Variants in IGSF21 observed in about 807,000 individuals in gnomAD.
IGSF21 encodes the protein immunoglobin superfamily member 21.
Under a neutral mutation model 46.8 loss-of-function variants are expected in IGSF21, and 28 were observed. That is an observed-to-expected ratio of 0.60 (90% confidence interval 0.44 to 0.82). The LOEUF is 0.82. IGSF21 is among the 40% of genes least tolerant of loss of function. The pLI is 0.00. For synonymous variants in IGSF21, 284 were observed against 273.6 expected (o/e 1.04, Z -0.38); for missense variants, 624 against 665.5 (o/e 0.94, Z 0.69).
Position 18,322,486 on chromosome 1 carries a change from C to T in IGSF21, c.306-12406C>T, listed in dbSNP as rs916280674. ...TCCTGTTAAATAAAGCAATCACGAACGATAGGAAGGAGGCGGCGAGCTCAG... is the reference window on the plus strand; with the variant it reads ...TCCTGTTAAATAAAGCAATCACGAATGATAGGAAGGAGGCGGCGAGCTCAG... On this transcript the variant is annotated intron_variant, in intron 3 of 9. Coordinates refer to ENST00000251296, the MANE Select transcript of IGSF21 (RefSeq NM_032880.5). This position sits in a 1 kb window ranked among gnomAD's most constrained non-coding sequence, Gnocchi z 4.3. Among the ~76,000 whole-genome samples, 8 of 152,216 alleles carry T rather than the reference C, an allele frequency of 5.3e-5. No homozygotes were observed. The highest frequency in any genetic ancestry group is 7.4e-5 in the Non-Finnish European group (5 of 68,004).
chr1:18,239,848 T>G (rs1337377778), intron 2 of IGSF21, among the ~76,000 whole-genome samples: 1 of 152,126 alleles, frequency 6.6e-6, no homozygotes, highest in Non-Finnish European at 1.5e-5. Flanking sequence ...TGAGTTAGCT[T>G]CTCATAACAC....
At chr1:18,338,949 G>A (rs1026185821) in intron 4 of IGSF21, among the ~76,000 whole-genome samples, 2 of 152,096 alleles carry the variant, frequency 1.3e-5, no homozygotes, top group Non-Finnish European at 1.5e-5. Flanking sequence ...TAGATGTTGT[G>A]AGAGCCAGGC....
rs971801837 is a variant in IGSF21 at position 18,334,007 on chromosome 1, A to G, written c.306-885A>G. On this transcript the variant is annotated intron_variant, in intron 3 of 9. Transcript: ENST00000251296. The surrounding 1 kb of genome is among the most constrained non-coding windows in gnomAD (Gnocchi z 4.3). The stretch of plus-strand genomic sequence containing the variant: ...CACAGTTGCACCAATTTGTTTACAC[A>G]CCGATTGTAGCTGCTTTTGTGCTGC... Among the ~76,000 whole-genome samples, 1 of 152,256 alleles carries G rather than the reference A, an allele frequency of 6.6e-6. No homozygotes were observed. The highest frequency in any genetic ancestry group is 1.5e-5 in the Non-Finnish European group (1 of 68,050).
At chr1:18,252,568 C>T (rs138342255) in intron 2 of IGSF21, among the ~76,000 whole-genome samples, 52 of 152,272 alleles carry the variant, frequency 3.4e-4, no homozygotes, top group East Asian at 1.2e-3. Context: ...AAGTGATTTC[C>T]GGATTTCTTC....
chr1:18,359,219 T>TGGGGGGGGGGGGGGGGGGGGGGGGG (rs2086056801), intron 4 of IGSF21, among the ~76,000 whole-genome samples: 1 of 142,266 alleles, frequency 7.0e-6, no homozygotes, highest in Non-Finnish European at 1.6e-5. Flanking sequence ...TCAAGGCTGC[T>TGGGGGGGGGGGGGGGGGGGGGGGGG]GTGAGCCATG....
chr1:18,131,098 C>T (rs895158928), intron 1 of IGSF21, among the ~76,000 whole-genome samples: 2 of 152,154 alleles, frequency 1.3e-5, no homozygotes, highest in South Asian at 2.1e-4. Context: ...TGGAGCTCCC[C>T]GTGGATTGAG....
chr1:18,276,586 G>A (rs1343990166), intron 2 of IGSF21, among the ~76,000 whole-genome samples: 1 of 152,126 alleles, frequency 6.6e-6, no homozygotes, highest in African/African-American at 2.4e-5. Flanking sequence ...TCTAATGCAG[G>A]AATCTCAAAG....
At chr1:18,219,793 G>T (rs1221501169) in intron 1 of IGSF21, among the ~76,000 whole-genome samples, 1 of 152,162 alleles carries the variant, frequency 6.6e-6, no homozygotes, top group Non-Finnish European at 1.5e-5. Context: ...CCCTACCCAG[G>T]ACTTAGGCAC....
chr1:18,355,840 T>A (rs1468178871), intron 4 of IGSF21, among the ~76,000 whole-genome samples: 1 of 148,182 alleles, frequency 6.7e-6, no homozygotes, highest in Non-Finnish European at 1.5e-5. Context: ...TTTTTTTTTT[T>A]TTTTTTTTTT....
intron 6 of IGSF21, among the ~76,000 whole-genome samples, chr1:18,366,643 A>T (rs543196575): frequency 6.6e-6 from 1 of 152,190 alleles, no homozygotes; most frequent in African/African-American, 2.4e-5. Flanking sequence ...TCAGGAACAC[A>T]TAGGACATGG....
At chr1:18,256,108 T>C (rs1375259260) in intron 2 of IGSF21, among the ~76,000 whole-genome samples, 1 of 152,168 alleles carries the variant, frequency 6.6e-6, no homozygotes, top group African/African-American at 2.4e-5. Flanking sequence ...CCTGATGGGC[T>C]AGCCATGCAA....
At chr1:18,358,044 A>AGT (rs746741553) in intron 4 of IGSF21, among the ~76,000 whole-genome samples, 141 of 151,122 alleles carry the variant, frequency 9.3e-4, no homozygotes, top group East Asian at 3.5e-3. Context: ...AGAGAGAGAG[A>AGT]GAGTGTGTGT....
chr1:18,256,861 G>T (rs2084897365), intron 2 of IGSF21, among the ~76,000 whole-genome samples: 1 of 152,158 alleles, frequency 6.6e-6, no homozygotes, highest in Non-Finnish European at 1.5e-5. Flanking sequence ...GGGACATGGA[G>T]ACCAGGTCCC....
intron 2 of IGSF21, among the ~76,000 whole-genome samples, chr1:18,271,342 A>G (rs2085040875): frequency 6.6e-6 from 1 of 152,200 alleles, no homozygotes; most frequent in Non-Finnish European, 1.5e-5. Context: ...TGATCAGCTC[A>G]TTTTGACTTG....
Position 18,342,148 on chromosome 1 carries a change from C to A in IGSF21, c.424+7138C>A, listed in dbSNP as rs188557171. Reference sequence around the variant, plus strand: ...TTGCTCTGTCCCCCAGGCTGGAGTGCAGTGGCATGATCTCAACTCACTGCA... The same window carrying A: ...TTGCTCTGTCCCCCAGGCTGGAGTGAAGTGGCATGATCTCAACTCACTGCA... On this transcript the variant is annotated intron_variant, in intron 4 of 9. Coordinates refer to ENST00000251296, the MANE Select transcript of IGSF21 (RefSeq NM_032880.5). Among the ~76,000 whole-genome samples, 5 of 151,708 alleles carry A rather than the reference C, an allele frequency of 3.3e-5. No homozygotes were observed. The East Asian group carries it at 5.8e-4, about 18-fold the overall frequency.
intron 2 of IGSF21, among the ~76,000 whole-genome samples, chr1:18,235,759 A>T (rs201824129): frequency 1.3e-5 from 2 of 152,196 alleles, no homozygotes; most frequent in East Asian, 3.9e-4. Context: ...CAGAGAAGTA[A>T]CAGGGTCTGG....
chr1:18,178,782 C>A (rs2086829039), intron 1 of IGSF21, among the ~76,000 whole-genome samples: 1 of 151,854 alleles, frequency 6.6e-6, no homozygotes, highest in South Asian at 2.1e-4. Flanking sequence ...CAGGGTCTGG[C>A]CTCCCAGAGG....
intron 1 of IGSF21, among the ~76,000 whole-genome samples, chr1:18,120,782 G>A (rs956867802): frequency 2.0e-5 from 3 of 152,126 alleles, no homozygotes; most frequent in Admixed American, 6.5e-5. Flanking sequence ...ATTTGAAGGG[G>A]CAGACAACAT....
intron 1 of IGSF21, among the ~76,000 whole-genome samples, chr1:18,183,821 T>G (rs1378738581): frequency 6.6e-6 from 1 of 151,992 alleles, no homozygotes; most frequent in Non-Finnish European, 1.5e-5. Flanking sequence ...GGGAAGCTCT[T>G]CTTGTGAAGG....
Sources: gnomAD v4.1 joint callset for allele counts (sites outside exome capture counted in the v4.1 genomes callset) on GRCh38, gnomAD v4.1.1 for gene constraint, Gnocchi (gnomAD v3.1) non-coding constraint, MANE v1.5 for transcripts, NCBI Gene and HGNC (gene_info 2026-07-23, HGNC 2026-07-21) for gene names.